Variants in FBXL17 observed in about 807,000 individuals in gnomAD.
FBXL17 encodes the protein F-box/LRR-repeat protein 17.
A neutral mutation model predicts 66.2 loss-of-function variants in FBXL17; 22 were observed. The ratio of observed to expected loss-of-function variants is 0.33; its 90% CI spans 0.24 to 0.47. FBXL17 has a LOEUF of 0.47. Ranked by LOEUF, FBXL17 falls within the 20% of genes least tolerant of loss-of-function variation. The pLI is 1.00. For missense variants in FBXL17, 878 were observed against 948.2 expected (o/e 0.93, Z 0.97); for synonymous variants, 474 against 400.5 (o/e 1.18, Z -2.19).
intron 6 of FBXL17, among the ~76,000 whole-genome samples, chr5:108,055,344 C>T (rs1401448693): frequency 7.3e-6 from 1 of 136,362 alleles, no homozygotes; most frequent in Non-Finnish European, 1.5e-5. Context: ...CACGGTGGCT[C>T]ATGCCTGTAA....
intron 6 of FBXL17, among the ~76,000 whole-genome samples, chr5:108,130,632 C>T (rs1750895428): frequency 6.6e-6 from 1 of 152,016 alleles, no homozygotes; most frequent in Non-Finnish European, 1.5e-5. Flanking sequence ...CCAATGCTGC[C>T]TTAAAGGAAC....
At position 108,335,738 on chromosome 5, in the gene FBXL17, A is replaced by T. The variant is rs547902077; in HGVS notation, c.1506+12661T>A. Among the ~76,000 whole-genome samples the T allele has an allele frequency of 7.2e-5, 11 of 151,990 alleles. 1 individual carries two copies. The highest frequency in any genetic ancestry group is 4.1e-4 in the South Asian group (2 of 4,830). On this transcript the variant is annotated intron_variant, in intron 4 of 8. Transcript: ENST00000542267. ...CAGCAATTAGCATAATTATATTCTTAAAAAAACCCTGTTTTTGACTGTAAT... is the reference window on the plus strand; with the variant it reads ...CAGCAATTAGCATAATTATATTCTTTAAAAAACCCTGTTTTTGACTGTAAT...
chr5:108,315,507 C>A (rs1301336646), intron 4 of FBXL17, among the ~76,000 whole-genome samples: 2 of 151,086 alleles, frequency 1.3e-5, no homozygotes, highest in Admixed American at 6.6e-5. Context: ...TTAAAAATTA[C>A]CCCAAGCTTT....
chr5:108,055,187 T>C (rs1747639241), intron 6 of FBXL17, among the ~76,000 whole-genome samples: 1 of 149,014 alleles, frequency 6.7e-6, no homozygotes, highest in African/African-American at 2.5e-5. Flanking sequence ...ATTGATAATA[T>C]GCTACAGTAT....
intron 5 of FBXL17, among the ~76,000 whole-genome samples, chr5:108,206,370 A>T (rs534493424): frequency 6.6e-6 from 1 of 152,318 alleles, no homozygotes; most frequent in African/African-American, 2.4e-5. Context: ...CTTTAAAAAC[A>T]TCTTTACTGA....
At chr5:108,330,199 G>A (rs2150235579) in intron 4 of FBXL17, among the ~76,000 whole-genome samples, 2 of 152,128 alleles carry the variant, frequency 1.3e-5, no homozygotes, top group South Asian at 4.1e-4. Flanking sequence ...GTTTTCTAGG[G>A]TATAAAATAA....
intron 4 of FBXL17, among the ~76,000 whole-genome samples, chr5:108,312,256 A>G (rs1017178478): frequency 2.0e-5 from 3 of 152,144 alleles, no homozygotes; most frequent in Non-Finnish European, 4.4e-5. Flanking sequence ...AAAAAACACA[A>G]TTTTTAAAAA....
chr5:108,017,884 T>C (rs1401959596), intron 7 of FBXL17, among the ~76,000 whole-genome samples: 1 of 152,162 alleles, frequency 6.6e-6, no homozygotes, highest in Non-Finnish European at 1.5e-5. Flanking sequence ...GTTTTCTTTA[T>C]GACAACTATA....
intron 7 of FBXL17, among the ~76,000 whole-genome samples, chr5:107,957,795 G>A (rs141491402): frequency 2.9e-3 from 434 of 152,150 alleles, no homozygotes; most frequent in African/African-American, 0.01. Context: ...ATATAATTGT[G>A]GTAGAAACTT....
intron 7 of FBXL17, among the ~76,000 whole-genome samples, chr5:107,954,636 G>A (rs1751601665): frequency 6.6e-6 from 1 of 152,138 alleles, no homozygotes; most frequent in Admixed American, 6.5e-5. Context: ...AGTCCAAGAA[G>A]TTGACATACC....
chr5:108,020,843 T>G (rs1016349534), intron 7 of FBXL17, 82 bp downstream of exon 7: 1 of 985,252 alleles, frequency 1.0e-6, no homozygotes, highest in Non-Finnish European at 1.6e-6. Flanking sequence ...ATGATATAGT[T>G]CTTGATTTCT....
At chr5:108,018,798 A>G (rs936833238) in intron 7 of FBXL17, among the ~76,000 whole-genome samples, 8 of 152,164 alleles carry the variant, frequency 5.3e-5, no homozygotes, top group Non-Finnish European at 1.2e-4. Context: ...GGACAAGATC[A>G]GTTGTCAACT....
At chr5:107,904,617 C>T (rs751971519) in intron 7 of FBXL17, among the ~76,000 whole-genome samples, 2 of 152,068 alleles carry the variant, frequency 1.3e-5, no homozygotes, top group Non-Finnish European at 2.9e-5. Context: ...GCACAGACAT[C>T]ATAAACACTA....
intron 6 of FBXL17, among the ~76,000 whole-genome samples, chr5:108,113,790 T>C (rs1750133774): frequency 6.6e-6 from 1 of 152,196 alleles, no homozygotes; most frequent in Non-Finnish European, 1.5e-5. Context: ...AGAATCATTC[T>C]ATACCATATA....
intron 4 of FBXL17, among the ~76,000 whole-genome samples, chr5:108,339,084 C>CA (rs1746707464): frequency 6.6e-6 from 1 of 152,020 alleles, no homozygotes; most frequent in Admixed American, 6.6e-5. Flanking sequence ...AAGCCAGATT[C>CA]AACTACAGTT....
chr5:108,029,909 C>A (rs1366691994), intron 6 of FBXL17, among the ~76,000 whole-genome samples: 1 of 151,844 alleles, frequency 6.6e-6, no homozygotes, highest in African/African-American at 2.4e-5. Context: ...GGCTATCAGG[C>A]CATTTCAGTG....
At chr5:108,250,564 T>G (rs953860863) in intron 4 of FBXL17, among the ~76,000 whole-genome samples, 2 of 152,206 alleles carry the variant, frequency 1.3e-5, no homozygotes, top group East Asian at 3.9e-4. Context: ...TGTTTTATAA[T>G]TAATATAGGA....
At chr5:108,297,479 AC>A (rs1280189455) in intron 4 of FBXL17, among the ~76,000 whole-genome samples, 4 of 151,718 alleles carry the variant, frequency 2.6e-5, no homozygotes, top group Non-Finnish European at 1.5e-5. Context: ...CAAAAGCATT[AC>A]CAGTAAAATA....
intron 6 of FBXL17, among the ~76,000 whole-genome samples, chr5:108,056,635 T>C (rs545455879): frequency 3.3e-5 from 5 of 152,332 alleles, no homozygotes; most frequent in South Asian, 2.1e-4. Context: ...GAGACAGTGC[T>C]GTGACTACAA....
Sources: gnomAD v4.1 joint callset for allele counts (sites outside exome capture counted in the v4.1 genomes callset) on GRCh38, gnomAD v4.1.1 for gene constraint, MANE v1.5 for transcripts, NCBI Gene and HGNC (gene_info 2026-07-23, HGNC 2026-07-21) for gene names.